SGCD: variants seen among roughly 807,000 people sequenced by gnomAD.
SGCD encodes the protein delta-sarcoglycan.
Under a neutral mutation model 36.6 loss-of-function variants are expected in SGCD, and 18 were observed. The ratio of observed to expected loss-of-function variants is 0.49; its 90% CI spans 0.34 to 0.73. SGCD has a LOEUF of 0.73. Among genes scored for constraint, SGCD ranks in the 30% least tolerant of loss-of-function variants. The pLI, the probability that SGCD is intolerant of heterozygous loss-of-function variation, is 0.01. For missense variants in SGCD, 387 were observed against 346.7 expected (o/e 1.12, Z -0.92); for synonymous variants, 133 against 130.6 (o/e 1.02, Z -0.12).
At position 156,054,044 on chromosome 5, in the gene SGCD, A is replaced by G. The variant is rs1400100079; in HGVS notation, c.-281-63834A>G. On this transcript the variant is annotated intron_variant, in intron 1 of 9. Transcript: ENST00000517913. ...AGTGTGAACCAGGTTCCGATATATGAAATGAGAGGGACACCAACATTCAGA... is the reference window on the plus strand; with the variant it reads ...AGTGTGAACCAGGTTCCGATATATGGAATGAGAGGGACACCAACATTCAGA... Among the ~76,000 whole-genome samples, 2 of 145,918 alleles carry G rather than the reference A, an allele frequency of 1.4e-5. 1 individual carries two copies. The highest frequency in any genetic ancestry group is 3.1e-5 in the Non-Finnish European group (2 of 64,790).
At chr5:156,710,849 T>A (rs1754957297) in intron 7 of SGCD, among the ~76,000 whole-genome samples, 1 of 152,146 alleles carries the variant, frequency 6.6e-6, no homozygotes, top group South Asian at 2.1e-4. Context: ...GCTAATCTCT[T>A]CAGGATCAAA....
rs530698553 is a variant in SGCD, at chr5:156,015,692, C to T, written c.-281-102186C>T. Among the ~76,000 whole-genome samples the T allele has an allele frequency of 1.2e-4, 18 of 150,874 alleles. 1 individual carries two copies. Among genetic ancestry groups the T allele is most frequent in the Admixed American group, 4.0e-4 (6 of 15,108 alleles). On this transcript the variant is annotated intron_variant, in intron 1 of 9. Coordinates refer to the SGCD transcript ENST00000517913. ...ATATATATCCTTACCACTTTTGTAA[C>T]GAATGAATGATATATGAATGACGTG...
intron 1 of SGCD, among the ~76,000 whole-genome samples, chr5:156,050,345 C>T (rs1759884228): frequency 6.8e-6 from 1 of 146,536 alleles, no homozygotes; most frequent in Admixed American, 6.8e-5. Context: ...GACTCAGACG[C>T]TAGTTAGTGT....
chr5:156,039,738 C>A (rs960516786), intron 1 of SGCD, among the ~76,000 whole-genome samples: 1 of 152,058 alleles, frequency 6.6e-6, no homozygotes, highest in African/African-American at 2.4e-5. Context: ...CCTTTTACTA[C>A]GGAGAGAGTA....
intron 4 of SGCD, among the ~76,000 whole-genome samples, chr5:156,587,382 A>G (rs1760538573): frequency 6.6e-6 from 1 of 152,204 alleles, no homozygotes; most frequent in African/African-American, 2.4e-5. Flanking sequence ...ACTACACTGT[A>G]GGATTATTAA....
intron 3 of SGCD, among the ~76,000 whole-genome samples, chr5:156,466,660 C>T (rs1461080168): frequency 6.6e-6 from 1 of 152,094 alleles, no homozygotes; most frequent in African/African-American, 2.4e-5. Flanking sequence ...TTCCACATCT[C>T]AATAATGGGT....
At chr5:156,317,440 AG>A (rs1767548096) in intron 3 of SGCD, among the ~76,000 whole-genome samples, 1 of 152,148 alleles carries the variant, frequency 6.6e-6, no homozygotes, top group African/African-American at 2.4e-5. Context: ...ACTAGAGCCA[AG>A]AAATTCTAAC....
chr5:156,725,441 A>G (rs1033172522), intron 7 of SGCD, among the ~76,000 whole-genome samples: 1 of 152,190 alleles, frequency 6.6e-6, no homozygotes, highest in African/African-American at 2.4e-5. Flanking sequence ...AAACAAGACT[A>G]CTTCAGCCAG....
At position 156,193,568 on chromosome 5, in the gene SGCD, A is replaced by G. The variant is rs531741364; in HGVS notation, c.-44+69549A>G. Among the ~76,000 whole-genome samples, 7 of 152,240 alleles carry G rather than the reference A, an allele frequency of 4.6e-5. No individual in the cohort carries two copies. In the South Asian group the frequency reaches 8.3e-4, roughly 18 times the overall value. ...TTACGGGCCAGACTCATTAGAGGACAGCTAGGTGAGAGAGCATGGTGTGCC... is the reference window on the plus strand; with the variant it reads ...TTACGGGCCAGACTCATTAGAGGACGGCTAGGTGAGAGAGCATGGTGTGCC... On this transcript the variant is annotated intron_variant, in intron 3 of 9. Transcript: ENST00000517913.
intron 1 of SGCD, among the ~76,000 whole-genome samples, chr5:156,327,441 A>G (rs1253266548): frequency 6.6e-6 from 1 of 152,166 alleles, no homozygotes; most frequent in East Asian, 1.9e-4. Context: ...CAGGGCAGAG[A>G]GACTTCTTTT....
the SGCD span, among the ~76,000 whole-genome samples, chr5:155,820,687 A>G: frequency 6.6e-6 from 1 of 152,102 alleles, no homozygotes; most frequent in African/African-American, 2.4e-5. Context: ...ACAGAGTGAA[A>G]TGTTGTCTCA....
At chr5:156,717,492 T>A (rs1437955349) in intron 7 of SGCD, among the ~76,000 whole-genome samples, 3 of 152,232 alleles carry the variant, frequency 2.0e-5, no homozygotes, top group Non-Finnish European at 4.4e-5. Flanking sequence ...GTTAACAATA[T>A]CTTTATTTTC....
At chr5:156,678,865 C>A (rs1474058460) in intron 7 of SGCD, among the ~76,000 whole-genome samples, 5 of 152,204 alleles carry the variant, frequency 3.3e-5, no homozygotes, top group African/African-American at 9.6e-5. Context: ...GAAGCATTTT[C>A]CACACCTGAG....
chr5:156,623,896 G>C (rs183915244), intron 6 of SGCD, among the ~76,000 whole-genome samples: 144 of 152,192 alleles, frequency 9.5e-4, no homozygotes, highest in African/African-American at 3.3e-3. Flanking sequence ...GTTTAATGAG[G>C]GTGTCCCAGC....
chr5:156,724,386 C>T (rs894807321), intron 7 of SGCD, among the ~76,000 whole-genome samples: 5 of 152,110 alleles, frequency 3.3e-5, no homozygotes, highest in African/African-American at 9.7e-5. Flanking sequence ...AGGCAGATCA[C>T]GAGGTCAGGA....
At chr5:156,752,376 C>T (rs928379893) in intron 7 of SGCD, among the ~76,000 whole-genome samples, 12 of 152,122 alleles carry the variant, frequency 7.9e-5, no homozygotes, top group African/African-American at 2.7e-4. Context: ...GATAATTATA[C>T]AAAACCATTG....
At chr5:156,448,784 C>T in intron 3 of SGCD, among the ~76,000 whole-genome samples, 1 of 131,548 alleles carries the variant, frequency 7.6e-6, no homozygotes, top group Middle Eastern at 5.1e-3. Context: ...CTTTGTTGCC[C>T]AGGCTGGAGG....
intron 3 of SGCD, among the ~76,000 whole-genome samples, chr5:156,201,547 C>A (rs1764150970): frequency 3.3e-5 from 5 of 152,172 alleles, no homozygotes; most frequent in South Asian, 2.1e-4. Flanking sequence ...ACAGAGAAAC[C>A]AGTTTATGGC....
chr5:156,272,783 C>T (rs1446327182), intron 3 of SGCD, among the ~76,000 whole-genome samples: 2 of 152,126 alleles, frequency 1.3e-5, no homozygotes, highest in Non-Finnish European at 2.9e-5. Flanking sequence ...CAGGGAAAGG[C>T]AAACTGTGGC....
Sources: allele counts gnomAD v4.1 joint callset (sites outside exome capture counted in the v4.1 genomes callset), GRCh38; gene constraint gnomAD v4.1.1; transcripts MANE v1.5; gene names NCBI Gene and HGNC (gene_info 2026-07-23, HGNC 2026-07-21).